Variants in PLCL2 observed in about 807,000 individuals in gnomAD.
The protein encoded by PLCL2 is phospholipase C like 2.
A neutral mutation model predicts 79.6 loss-of-function variants in PLCL2; 4 were observed. That is an observed-to-expected ratio of 0.05 (90% CI 0.02 to 0.11). The LOEUF is 0.11. PLCL2 is among the 10% of genes least tolerant of loss of function. PLCL2 has a pLI of 1.00. For missense variants in PLCL2, 895 were observed against 1,291.0 expected (o/e 0.69, Z 4.70); for synonymous variants, 484 against 457.7 (o/e 1.06, Z -0.73).
chr3:17,012,304 C>T (rs1575586624), intron 2 of PLCL2, 144 bp downstream of exon 2: 2 of 705,660 alleles, frequency 2.8e-6, no homozygotes, highest in East Asian at 5.7e-5. Context: ...TGCCACTAGT[C>T]TGTTTTTTAT....
At chr3:16,917,899 T>A (rs1697033949) in intron 1 of PLCL2, among the ~76,000 whole-genome samples, 1 of 152,176 alleles carries the variant, frequency 6.6e-6, no homozygotes, top group Non-Finnish European at 1.5e-5. Flanking sequence ...CTTGGGAACT[T>A]ATGCAAAAGG....
At chr3:16,951,865 T>A (rs1183655007) in intron 1 of PLCL2, among the ~76,000 whole-genome samples, 2 of 152,152 alleles carry the variant, frequency 1.3e-5, no homozygotes, top group African/African-American at 4.8e-5. Flanking sequence ...TGTTTGGGAA[T>A]GTTTTTGAGT....
chr3:17,019,015 A>G (rs1575589845), intron 3 of PLCL2, among the ~76,000 whole-genome samples: 1 of 152,208 alleles, frequency 6.6e-6, no homozygotes, highest in South Asian at 2.1e-4. Flanking sequence ...ATGATAGACA[A>G]TAGATAGTAA....
At chr3:16,925,353 A>G (rs1379594520) in intron 1 of PLCL2, among the ~76,000 whole-genome samples, 4 of 151,828 alleles carry the variant, frequency 2.6e-5, no homozygotes, top group Non-Finnish European at 4.4e-5. Context: ...CATGAGCTCT[A>G]TTGCTCATTT....
At chr3:16,892,159 G>C (rs890791769) in intron 1 of PLCL2, among the ~76,000 whole-genome samples, 2 of 152,190 alleles carry the variant, frequency 1.3e-5, no homozygotes, top group African/African-American at 2.4e-5. Flanking sequence ...AACTCCAACT[G>C]GTTTTGATTG....
At chr3:16,944,592 A>G (rs1281465476) in intron 1 of PLCL2, among the ~76,000 whole-genome samples, 3 of 152,216 alleles carry the variant, frequency 2.0e-5, no homozygotes, top group Non-Finnish European at 2.9e-5. Context: ...TAAACAGACC[A>G]TGTGAAGACA....
intron 1 of PLCL2, among the ~76,000 whole-genome samples, chr3:16,940,762 A>G (rs1185345924): frequency 6.6e-6 from 1 of 152,228 alleles, no homozygotes; most frequent in Non-Finnish European, 1.5e-5. Context: ...TCTAAACCTC[A>G]TATTATAAGA....
chr3:17,024,968 G>A (rs992404823), intron 3 of PLCL2, among the ~76,000 whole-genome samples: 1 of 152,168 alleles, frequency 6.6e-6, no homozygotes, highest in African/African-American at 2.4e-5. Context: ...CGCTTCATGA[G>A]TGTGGGCCCC....
At chr3:16,933,201 C>T (rs760552376) in intron 1 of PLCL2, 2 of 154,840 alleles carry the variant, frequency 1.3e-5, no homozygotes, top group African/African-American at 4.8e-5. Flanking sequence ...AGAGAGAAGG[C>T]AGCAGTGCTC....
chr3:17,069,196 T>G (rs761137791), intron 5 of PLCL2, among the ~76,000 whole-genome samples: 1 of 152,124 alleles, frequency 6.6e-6, no homozygotes, highest in Non-Finnish European at 1.5e-5. Context: ...GGGGGAAATG[T>G]GGCCATTTTT....
chr3:16,885,417 T>C, intron 1 of PLCL2, 51 bp downstream of exon 1: 2 of 552,580 alleles, frequency 3.6e-6, no homozygotes, highest in South Asian at 2.2e-5. Context: ...CCTTGGATTC[T>C]ATTTTCTCCC....
At chr3:17,027,318 T>C (rs1559524222) in intron 3 of PLCL2, among the ~76,000 whole-genome samples, 1 of 152,232 alleles carries the variant, frequency 6.6e-6, no homozygotes, top group Non-Finnish European at 1.5e-5. Context: ...TAAAAAATAA[T>C]ATCTTGTGAT....
intron 1 of PLCL2, among the ~76,000 whole-genome samples, chr3:16,936,758 CA>C (rs1195698314): frequency 2.6e-5 from 4 of 150,950 alleles, no homozygotes; most frequent in Non-Finnish European, 5.9e-5. Context: ...CATATTTTTT[CA>C]AAAAAACGAG....
chr3:17,080,492 C>T (rs746929533), intron 5 of PLCL2, among the ~76,000 whole-genome samples: 1 of 152,146 alleles, frequency 6.6e-6, no homozygotes, highest in Non-Finnish European at 1.5e-5. Flanking sequence ...TCTCTGTCCC[C>T]CAGGCTGGAG....
At chr3:17,073,122 T>C (rs943297593) in intron 5 of PLCL2, among the ~76,000 whole-genome samples, 41 of 152,326 alleles carry the variant, frequency 2.7e-4, no homozygotes, top group African/African-American at 9.1e-4. Flanking sequence ...ACATAATGTT[T>C]GTAAAATAAA....
chr3:16,931,747 C>A (rs944099124), intron 1 of PLCL2, among the ~76,000 whole-genome samples: 2 of 152,146 alleles, frequency 1.3e-5, no homozygotes, highest in African/African-American at 4.8e-5. Context: ...ACCTCCCTGA[C>A]AAGGTTATTT....
At chr3:16,978,939 A>G (rs867958184) in intron 1 of PLCL2, among the ~76,000 whole-genome samples, 2 of 152,224 alleles carry the variant, frequency 1.3e-5, no homozygotes, top group Non-Finnish European at 2.9e-5. Context: ...ATACGGAGAT[A>G]CTTGCCCAAA....
intron 3 of PLCL2, among the ~76,000 whole-genome samples, chr3:17,019,852 A>T (rs1464324361): frequency 6.6e-6 from 1 of 152,224 alleles, no homozygotes; most frequent in East Asian, 1.9e-4. Context: ...ATTGACAATC[A>T]AGATCAAGAT....
chr3:16,887,773 C>A lies in PLCL2; in HGVS notation c.327+2407C>A, dbSNP rs1227632171. ...ACAGATAGTTTTGTCATGTGAATGG[C>A]AGAAATTATGTTTCACTTTTGTTTA... is the stretch of plus-strand genomic sequence containing the variant. On this transcript the variant is annotated intron_variant, in intron 1 of 5. Transcript: ENST00000615277. This position sits in a 1 kb window ranked among gnomAD's most constrained non-coding sequence, Gnocchi z 4.1. Among the ~76,000 whole-genome samples, 1 of 151,334 alleles carries A rather than the reference C, an allele frequency of 6.6e-6. No individual in the cohort carries two copies. The highest frequency in any genetic ancestry group is 6.6e-5 in the Admixed American group (1 of 15,196).
Sources: allele counts gnomAD v4.1 joint callset (sites outside exome capture counted in the v4.1 genomes callset), GRCh38; gene constraint gnomAD v4.1.1; non-coding constraint Gnocchi (gnomAD v3.1); transcripts MANE v1.5; gene names NCBI Gene and HGNC (gene_info 2026-07-23, HGNC 2026-07-21).